The following DOK6 variants were observed in gnomAD, a reference collection of about 807,000 sequenced individuals.
DOK6 encodes docking protein 6.
Under a neutral mutation model 44.0 loss-of-function variants are expected in DOK6, and 22 were observed. The observed-to-expected ratio is 0.50, with a 90% confidence interval of 0.36 to 0.71. The LOEUF (loss-of-function observed/expected upper bound fraction) is 0.71, where lower values mean the gene tolerates loss of function less well. Ranked by LOEUF, DOK6 falls within the 30% of genes least tolerant of loss-of-function variation. DOK6 has a pLI of 0.00. For missense variants in DOK6, 340 were observed against 416.4 expected (o/e 0.82, Z 1.60); for synonymous variants, 166 against 145.5 (o/e 1.14, Z -1.01).
chr18:69,657,870 G>C (rs897848763), intron 3 of DOK6, among the ~76,000 whole-genome samples: 3 of 152,240 alleles, frequency 2.0e-5, no homozygotes, highest in African/African-American at 7.2e-5. Flanking sequence ...GTGTGTAGGT[G>C]AGTGGGTGGG....
At chr18:69,600,139 T>C (rs1366591072) in intron 3 of DOK6, among the ~76,000 whole-genome samples, 1 of 151,866 alleles carries the variant, frequency 6.6e-6, no homozygotes, top group Admixed American at 6.6e-5. Context: ...CATTTTATAA[T>C]GGATGTTAGC....
intron 6 of DOK6, among the ~76,000 whole-genome samples, chr18:69,746,356 CA>C (rs1230320518): frequency 6.6e-6 from 1 of 152,158 alleles, no homozygotes; most frequent in Non-Finnish European, 1.5e-5. Context: ...CTCCTAGTTT[CA>C]AGCAATTCTC....
chr18:69,663,850 T>C (rs1364019529), intron 3 of DOK6, among the ~76,000 whole-genome samples: 6 of 152,206 alleles, frequency 3.9e-5, no homozygotes, highest in Non-Finnish European at 7.3e-5. Context: ...TAGTGCCTAT[T>C]GTTCTCAAGT....
intron 3 of DOK6, among the ~76,000 whole-genome samples, chr18:69,650,760 T>C (rs561862371): frequency 2.0e-5 from 3 of 152,300 alleles, no homozygotes; most frequent in African/African-American, 7.2e-5. Context: ...TCAGTGTTCT[T>C]ACCACCATTA....
At chr18:69,500,176 C>T (rs1443316715) in intron 1 of DOK6, among the ~76,000 whole-genome samples, 1 of 152,112 alleles carries the variant, frequency 6.6e-6, no homozygotes, top group East Asian at 1.9e-4. Flanking sequence ...TGCTGTCAGT[C>T]TACTATTTTC....
chr18:69,791,926 G>A (rs560867777), intron 7 of DOK6, among the ~76,000 whole-genome samples: 3 of 152,062 alleles, frequency 2.0e-5, no homozygotes, highest in African/African-American at 7.2e-5. Flanking sequence ...TTTGGTTTTT[G>A]TATATGGTGA....
At chr18:69,469,810 C>T (rs1232372754) in intron 1 of DOK6, 3 of 227,978 alleles carry the variant, frequency 1.3e-5, no homozygotes, top group South Asian at 1.3e-4. Flanking sequence ...AGAGGCGCCC[C>T]CACTGTCTCC....
Position 69,479,077 on chromosome 18 carries a change from T to C in DOK6, c.66+77767T>C, listed in dbSNP as rs548439411. Among the ~76,000 whole-genome samples the C allele has an allele frequency of 1.8e-4, 26 of 146,058 alleles. No homozygotes were observed. The East Asian group carries it at 4.6e-3, about 26-fold the overall frequency. On this transcript the variant is annotated intron_variant, in intron 1 of 7. Coordinates refer to ENST00000382713, the MANE Select transcript of DOK6 (RefSeq NM_152721.6). Reference sequence around the variant, plus strand: ...CTCAGCACACTGAAGGATGCTTGCATTGGGAGGTAAGGAAGCATGTAACTA... The same window carrying C: ...CTCAGCACACTGAAGGATGCTTGCACTGGGAGGTAAGGAAGCATGTAACTA...
intron 7 of DOK6, among the ~76,000 whole-genome samples, chr18:69,805,345 G>C (rs1182290369): frequency 1.3e-5 from 2 of 152,132 alleles, no homozygotes; most frequent in East Asian, 1.9e-4. Flanking sequence ...ATGGGGGACA[G>C]GGTGTGAAGG....
At chr18:69,718,778 C>T (rs1986939707) in intron 5 of DOK6, among the ~76,000 whole-genome samples, 1 of 152,060 alleles carries the variant, frequency 6.6e-6, no homozygotes, top group Admixed American at 6.6e-5. Context: ...TGTTGGATCT[C>T]TATTTGCCCC....
At chr18:69,621,452 G>A (rs966536368) in intron 3 of DOK6, among the ~76,000 whole-genome samples, 5 of 151,920 alleles carry the variant, frequency 3.3e-5, no homozygotes, top group African/African-American at 1.2e-4. Flanking sequence ...AAATTATATA[G>A]GATCTGTAGG....
chr18:69,546,144 G>T (rs1369356311), intron 1 of DOK6, among the ~76,000 whole-genome samples: 1 of 150,940 alleles, frequency 6.6e-6, no homozygotes, highest in East Asian at 1.9e-4. Context: ...AGGCATGGTG[G>T]CGCATGCCTG....
intron 2 of DOK6, among the ~76,000 whole-genome samples, chr18:69,595,400 G>A (rs1983717767): frequency 6.6e-6 from 1 of 152,108 alleles, no homozygotes; most frequent in Admixed American, 6.5e-5. Flanking sequence ...CTTTCTTAAG[G>A]CAAGAACAAG....
chr18:69,422,111 C>T (rs1978509416), intron 1 of DOK6, among the ~76,000 whole-genome samples: 2 of 152,172 alleles, frequency 1.3e-5, no homozygotes, highest in Non-Finnish European at 2.9e-5. Flanking sequence ...ACTGTCCCAT[C>T]TGTCTGGAAG....
At chr18:69,420,302 T>G (rs146353158) in intron 1 of DOK6, among the ~76,000 whole-genome samples, 1 of 152,140 alleles carries the variant, frequency 6.6e-6, no homozygotes, top group Non-Finnish European at 1.5e-5. Context: ...TCTTTAAAAT[T>G]TAATGCAAAA....
intron 7 of DOK6, among the ~76,000 whole-genome samples, chr18:69,761,099 C>A (rs1166892249): frequency 3.7e-5 from 4 of 109,292 alleles, no homozygotes; most frequent in African/African-American, 1.4e-4. Context: ...TGTTTTCTGT[C>A]TAGTAGGAGC....
intron 6 of DOK6, 106 bp from the exon 7 acceptor site, chr18:69,757,650 T>A (rs1318185573): frequency 2.3e-6 from 2 of 864,830 alleles, no homozygotes; most frequent in Non-Finnish European, 3.8e-6. Flanking sequence ...CAGGTATCTA[T>A]AGCAGATTCT....
intron 3 of DOK6, among the ~76,000 whole-genome samples, chr18:69,620,567 C>T (rs115921345): frequency 5.9e-5 from 9 of 152,222 alleles, no homozygotes; most frequent in Non-Finnish European, 8.8e-5. Context: ...CTAATTACCC[C>T]TCTCTACACC....
chr18:69,611,642 C>CA (rs1438948239), intron 3 of DOK6, among the ~76,000 whole-genome samples: 2 of 152,010 alleles, frequency 1.3e-5, no homozygotes, highest in Non-Finnish European at 2.9e-5. Flanking sequence ...TTCACCAGTA[C>CA]AAAAAAGAAC....
Sources: gnomAD v4.1 joint callset for allele counts (sites outside exome capture counted in the v4.1 genomes callset) on GRCh38, gnomAD v4.1.1 for gene constraint, MANE v1.5 for transcripts, NCBI Gene and HGNC (gene_info 2026-07-23, HGNC 2026-07-21) for gene names.